Variants in JARID2 observed in about 807,000 individuals in gnomAD.
The protein encoded by JARID2 is protein Jumonji.
JARID2 carries 21 observed loss-of-function variants against 125.6 expected under a neutral mutation model. The observed-to-expected ratio is 0.17, with a 90% CI of 0.12 to 0.24. The LOEUF (loss-of-function observed/expected upper bound fraction) is 0.24. Among genes scored for constraint, JARID2 ranks in the 10% least tolerant of loss-of-function variants. The probability of loss-of-function intolerance (pLI) is 1.00; values close to 1 mark genes in which losing one functional copy is unlikely to be tolerated. For synonymous variants in JARID2, 736 were observed against 661.6 expected (o/e 1.11, Z -1.73); for missense variants, 1,303 against 1,639.6 (o/e 0.79, Z 3.55).
chr6:15,347,139 T>G (rs1451456550), intron 1 of JARID2, among the ~76,000 whole-genome samples: 1 of 152,098 alleles, frequency 6.6e-6, no homozygotes. Context: ...TGAGAACACA[T>G]GTGAAGTAAC....
At chr6:15,314,725 A>G (rs1344790624) in intron 1 of JARID2, among the ~76,000 whole-genome samples, 1 of 152,224 alleles carries the variant, frequency 6.6e-6, no homozygotes, top group African/African-American at 2.4e-5. Flanking sequence ...TGCCAGAGGT[A>G]GACACTGTAG....
intron 6 of JARID2, among the ~76,000 whole-genome samples, chr6:15,491,354 C>T (rs1048385312): frequency 2.6e-5 from 4 of 152,210 alleles, no homozygotes; most frequent in Non-Finnish European, 5.9e-5. Flanking sequence ...CTAGGAGGCT[C>T]CTGCCCATCT....
chr6:15,510,792 A>G (rs1384276250), intron 12 of JARID2, among the ~76,000 whole-genome samples: 3 of 151,928 alleles, frequency 2.0e-5, no homozygotes, highest in African/African-American at 7.2e-5. Context: ...TCCTTCCCCA[A>G]CTCTCTGTGC....
intron 5 of JARID2, among the ~76,000 whole-genome samples, chr6:15,484,658 G>A (rs994618001): frequency 1.3e-5 from 2 of 152,146 alleles, no homozygotes; most frequent in African/African-American, 4.8e-5. Flanking sequence ...TAAATAACTT[G>A]CCCAGCTGCA....
intron 17 of JARID2, 83 bp downstream of exon 17, chr6:15,517,351 G>T: frequency 3.2e-6 from 3 of 927,638 alleles, no homozygotes; most frequent in Non-Finnish European, 5.3e-6. Context: ...CTCCGGCCTG[G>T]CAGTTCTGTG....
At chr6:15,341,378 C>T (rs1322619101) in intron 1 of JARID2, among the ~76,000 whole-genome samples, 2 of 152,172 alleles carry the variant, frequency 1.3e-5, no homozygotes, top group Non-Finnish European at 2.9e-5. Context: ...AATGTAAGGT[C>T]TAGAAGCAGA....
At chr6:15,277,563 G>GA (rs1198481553) in intron 1 of JARID2, among the ~76,000 whole-genome samples, 3 of 152,192 alleles carry the variant, frequency 2.0e-5, no homozygotes, top group Admixed American at 2.0e-4. Context: ...TTGTCAGGAA[G>GA]AGAGCTAGTA....
intron 1 of JARID2, among the ~76,000 whole-genome samples, chr6:15,359,939 G>T (rs769574722): frequency 1.3e-5 from 2 of 151,892 alleles, no homozygotes; most frequent in Admixed American, 1.3e-4. Flanking sequence ...TATCTTCCTC[G>T]GCCTTCCAAA....
chr6:15,311,878 C>G (rs1433838352), intron 1 of JARID2, among the ~76,000 whole-genome samples: 1 of 151,858 alleles, frequency 6.6e-6, no homozygotes, highest in Non-Finnish European at 1.5e-5. Context: ...GGGAATTTTC[C>G]ACATTTGGAC....
intron 1 of JARID2, among the ~76,000 whole-genome samples, chr6:15,287,800 T>G (rs1171350808): frequency 6.6e-6 from 1 of 152,200 alleles, no homozygotes; most frequent in Non-Finnish European, 1.5e-5. Context: ...TGCCCATAGC[T>G]GCACCCTCTA....
chr6:15,405,481 A>G (rs1765612474), intron 2 of JARID2, among the ~76,000 whole-genome samples: 1 of 152,216 alleles, frequency 6.6e-6, no homozygotes, highest in Admixed American at 6.5e-5. Context: ...CCTTTACTGC[A>G]ATGATTTACA....
chr6:15,438,441 G>A (rs1767305363), intron 3 of JARID2, among the ~76,000 whole-genome samples: 1 of 150,802 alleles, frequency 6.6e-6, no homozygotes, highest in Non-Finnish European at 1.5e-5. Flanking sequence ...ATGTACGTAC[G>A]TAGCTTTTTT....
chr6:15,473,051 T>TAA (rs1769154439), intron 5 of JARID2, among the ~76,000 whole-genome samples: 2 of 151,746 alleles, frequency 1.3e-5, no homozygotes, highest in Admixed American at 1.3e-4. Flanking sequence ...TGAATACCCG[T>TAA]GTTAGGAAAG....
chr6:15,381,604 A>G (rs1300230883), intron 2 of JARID2, among the ~76,000 whole-genome samples: 4 of 152,222 alleles, frequency 2.6e-5, no homozygotes, highest in African/African-American at 9.6e-5. Context: ...TTGTTTACAA[A>G]GGAAGCTACA....
At chr6:15,247,265 T>C (rs937446239) in intron 1 of JARID2, among the ~76,000 whole-genome samples, 2 of 152,246 alleles carry the variant, frequency 1.3e-5, no homozygotes, top group Admixed American at 6.5e-5. Flanking sequence ...TGAATGCATA[T>C]GTAAGTAACT....
chr6:15,248,825 G>A (rs1274786043), intron 1 of JARID2: 10 of 807,938 alleles, frequency 1.2e-5, no homozygotes, highest in Non-Finnish European at 1.5e-5. Context: ...GGCTCCAGGC[G>A]CGGCGGGGCG....
intron 2 of JARID2, among the ~76,000 whole-genome samples, chr6:15,381,646 C>CT (rs1356150817): frequency 1.3e-5 from 2 of 152,182 alleles, no homozygotes; most frequent in African/African-American, 4.8e-5. Context: ...GGCTTGGGCT[C>CT]TTTGTCTTTC....
intron 1 of JARID2, among the ~76,000 whole-genome samples, chr6:15,284,302 G>A (rs989763558): frequency 8.5e-5 from 13 of 152,190 alleles, no homozygotes; most frequent in Admixed American, 4.6e-4. Context: ...GGATGTCTTA[G>A]GGTTTATTCC....
rs1169942211 is a variant in JARID2 at position 15,513,131 on chromosome 6, C to CAGGAGGGTGTGTCTGCAGGG, written c.3266+90_3267-85dup. 17 of 1,593,194 alleles carry CAGGAGGGTGTGTCTGCAGGG rather than the reference C, an allele frequency of 1.1e-5. No individual in the cohort carries two copies. In the Admixed American group the frequency reaches 2.9e-4, roughly 27 times the overall value. The stretch of plus-strand genomic sequence containing the variant: ...CCCCCGAGCAGGCCTCACTTCCTGA[C>CAGGAGGGTGTGTCTGCAGGG]AGGAGGGTGTGTCTGCAGGGAGGCC... On this transcript the variant is annotated intron_variant, in intron 15 of 17. Transcript: ENST00000341776.
Sources: allele counts gnomAD v4.1 joint callset (sites outside exome capture counted in the v4.1 genomes callset), GRCh38; gene constraint gnomAD v4.1.1; transcripts MANE v1.5; gene names NCBI Gene and HGNC (gene_info 2026-07-23, HGNC 2026-07-21).